Variants in VTI1A observed in about 807,000 individuals in gnomAD.
VTI1A encodes vesicle transport through interaction with t-SNAREs 1A.
VTI1A carries 22 observed loss-of-function variants against 34.9 expected under a neutral mutation model. The ratio of observed to expected loss-of-function variants is 0.63; its 90% confidence interval spans 0.45 to 0.90. VTI1A has a LOEUF of 0.90. VTI1A is among the 40% of genes least tolerant of loss of function. The probability of loss-of-function intolerance (pLI) is 0.00; values close to 1 mark genes in which losing one functional copy is unlikely to be tolerated. For synonymous variants in VTI1A, 87 were observed against 97.3 expected (o/e 0.89, Z 0.62); for missense variants, 268 against 275.6 (o/e 0.97, Z 0.20).
intron 7 of VTI1A, 161 bp downstream of exon 7, chr10:112,669,159 G>A (rs1847755216): frequency 3.1e-6 from 1 of 325,310 alleles, no homozygotes; most frequent in South Asian, 1.2e-4. Context: ...GTTAACTCTT[G>A]TTTGGACAGG....
At position 112,543,454 on chromosome 10, in the gene VTI1A, C is replaced by T. The variant is rs542929158; in HGVS notation, c.427+5124C>T. Among the ~76,000 whole-genome samples, 10 of 152,298 alleles carry T rather than the reference C, an allele frequency of 6.6e-5. No homozygotes were observed. The South Asian group carries it at 2.1e-3, about 32-fold the overall frequency. ...TGATGATGAGCATTTTTTCATATGT[C>T]TGTTGGCTGTATAAATGTCTTCTTT... On this transcript the variant is annotated intron_variant, in intron 5 of 7. Coordinates refer to ENST00000393077, the MANE Select transcript of VTI1A (RefSeq NM_145206.4).
At chr10:112,590,211 T>G (rs1246203945) in intron 5 of VTI1A, among the ~76,000 whole-genome samples, 1 of 152,074 alleles carries the variant, frequency 6.6e-6, no homozygotes, top group African/African-American at 2.4e-5. Flanking sequence ...ATTAAGAAAA[T>G]TTTATTACTC....
intron 5 of VTI1A, among the ~76,000 whole-genome samples, chr10:112,558,403 C>T (rs1851606970): frequency 6.6e-6 from 1 of 152,062 alleles, no homozygotes; most frequent in South Asian, 2.1e-4. Context: ...TATTTCTTTA[C>T]AGGGAGCTGG....
At chr10:112,809,265 A>G (rs1293100363) in intron 7 of VTI1A, among the ~76,000 whole-genome samples, 8 of 152,230 alleles carry the variant, frequency 5.3e-5, no homozygotes, top group African/African-American at 1.9e-4. Flanking sequence ...GCAGATGACA[A>G]TTAACTGTTT....
chr10:112,552,604 CT>C (rs36053328), intron 5 of VTI1A, among the ~76,000 whole-genome samples: 2,330 of 146,334 alleles, frequency 0.016, 29 homozygotes, highest in South Asian at 0.029. Flanking sequence ...AAAAAGAGAC[CT>C]TTTAAAAAAA....
intron 3 of VTI1A, among the ~76,000 whole-genome samples, chr10:112,465,958 A>T (rs1249678785): frequency 6.6e-6 from 1 of 152,260 alleles, no homozygotes; most frequent in Non-Finnish European, 1.5e-5. Flanking sequence ...AGTTAACACA[A>T]TAACAACTAA....
At position 112,553,755 on chromosome 10, in the gene VTI1A, G is replaced by C. The variant is rs182713189; in HGVS notation, c.427+15425G>C. Reference sequence around the variant, plus strand: ...AATTCTACCTGTGTTCCACTGTCAAGAACAGTTGAATGGTGCTACTTAGAT... The same window carrying C: ...AATTCTACCTGTGTTCCACTGTCAACAACAGTTGAATGGTGCTACTTAGAT... On this transcript the variant is annotated intron_variant, in intron 5 of 7. Coordinates refer to ENST00000393077, the MANE Select transcript of VTI1A (RefSeq NM_145206.4). Among the ~76,000 whole-genome samples the C allele has an allele frequency of 6.6e-4, 100 of 152,340 alleles. 1 individual carries two copies. Among genetic ancestry groups the C allele is most frequent in the Admixed American group, 6.3e-3 (97 of 15,304 alleles).
intron 7 of VTI1A, among the ~76,000 whole-genome samples, chr10:112,743,597 G>C (rs547394317): frequency 2.0e-4 from 30 of 152,202 alleles, no homozygotes; most frequent in South Asian, 1.2e-3. Flanking sequence ...CATGAGCCAG[G>C]GGGGAGATAT....
At chr10:112,761,403 A>G (rs1277708699) in intron 7 of VTI1A, among the ~76,000 whole-genome samples, 1 of 152,206 alleles carries the variant, frequency 6.6e-6, no homozygotes. Flanking sequence ...TGTACAAACA[A>G]GGAGCTTACA....
At chr10:112,542,454 C>A (rs74158738) in intron 5 of VTI1A, among the ~76,000 whole-genome samples, 6,153 of 152,126 alleles carry the variant, frequency 0.04, 426 homozygotes, top group African/African-American at 0.14. Context: ...CAAGTTGTCA[C>A]CCCTTCTCTC....
At chr10:112,562,736 AGG>A (rs1214923196) in intron 5 of VTI1A, among the ~76,000 whole-genome samples, 1 of 152,088 alleles carries the variant, frequency 6.6e-6, no homozygotes, top group Non-Finnish European at 1.5e-5. Context: ...GAATTTGAAA[AGG>A]GGGGAAAATC....
intron 5 of VTI1A, among the ~76,000 whole-genome samples, chr10:112,623,265 G>T (rs1845796501): frequency 6.6e-6 from 1 of 152,044 alleles, no homozygotes. Context: ...CTGGGATTTT[G>T]CTTTTTAACA....
At chr10:112,791,862 A>G (rs969351448) in intron 7 of VTI1A, among the ~76,000 whole-genome samples, 1 of 150,504 alleles carries the variant, frequency 6.6e-6, no homozygotes, top group African/African-American at 2.5e-5. Context: ...GTAGCCTCCT[A>G]AAATGTGAGG....
chr10:112,653,392 T>A (rs1847109449), intron 5 of VTI1A, among the ~76,000 whole-genome samples: 1 of 152,224 alleles, frequency 6.6e-6, no homozygotes, highest in Non-Finnish European at 1.5e-5. Flanking sequence ...TGTGTGTTTG[T>A]GCGAAGTATA....
chr10:112,724,694 ACT>A (rs1849942245), intron 7 of VTI1A, among the ~76,000 whole-genome samples: 1 of 149,698 alleles, frequency 6.7e-6, no homozygotes, highest in South Asian at 2.1e-4. Flanking sequence ...GAACTCAAAA[ACT>A]CTATAGATAA....
Position 112,624,064 on chromosome 10 carries a change from A to T in VTI1A, c.428-44154A>T, listed in dbSNP as rs181249534. 3.2e-3 allele frequency among the ~76,000 whole-genome samples: 488 copies of T among 152,328 alleles called. 1 individual carries two copies. Among genetic ancestry groups the T allele is most frequent in the Non-Finnish European group, 5.5e-3 (374 of 68,024 alleles). ...AAACACATTTTCACTTCCGTCTAAG[A>T]TATGAACTTAGGGGCTCAGGAGTTG... On this transcript the variant is annotated intron_variant, in intron 5 of 7. Coordinates refer to ENST00000393077, the MANE Select transcript of VTI1A (RefSeq NM_145206.4).
chr10:112,638,212 G>A (rs747709867), intron 5 of VTI1A, among the ~76,000 whole-genome samples: 1 of 152,194 alleles, frequency 6.6e-6, no homozygotes, highest in African/African-American at 2.4e-5. Context: ...GCTGATTATT[G>A]AAAATGCCTC....
In VTI1A at chr10:112,798,756, G is replaced by A. The variant is rs149332078; in HGVS notation, c.561-16534G>A. On this transcript the variant is annotated intron_variant, in intron 7 of 7. Coordinates refer to ENST00000393077, the MANE Select transcript of VTI1A (RefSeq NM_145206.4). The stretch of plus-strand genomic sequence containing the variant: ...TAAACTGAGGCACTATTTGTTCTCC[G>A]GAAGATCACACAGCAAATTGTAAGT... 2.1e-3 allele frequency among the ~76,000 whole-genome samples: 326 copies of A among 152,248 alleles called. 1 individual carries two copies. Among genetic ancestry groups the A allele is most frequent in the African/African-American group, 7.7e-3 (319 of 41,536 alleles).
the VTI1A span, among the ~76,000 whole-genome samples, chr10:112,853,777 A>G: frequency 6.6e-6 from 1 of 152,200 alleles, no homozygotes; most frequent in Non-Finnish European, 1.5e-5. Flanking sequence ...AAAGCAACAG[A>G]TTCTCCAGCT....
Sources: allele counts gnomAD v4.1 joint callset (sites outside exome capture counted in the v4.1 genomes callset), GRCh38; gene constraint gnomAD v4.1.1; transcripts MANE v1.5; gene names NCBI Gene and HGNC (gene_info 2026-07-23, HGNC 2026-07-21).